ANO6: variants seen among roughly 807,000 people sequenced by gnomAD.
ANO6 encodes anoctamin 6.
In ANO6, 106 loss-of-function variants were observed where a neutral mutation model predicts 117.5. The ratio of observed to expected loss-of-function variants is 0.90; its 90% confidence interval spans 0.77 to 1.06. The LOEUF is 1.06. Ranked by LOEUF, ANO6 falls within the 50% of genes least tolerant of loss-of-function variation. ANO6 has a pLI of 0.00. For missense variants in ANO6, 955 were observed against 1,121.1 expected, an observed-to-expected ratio of 0.85 and a Z score of 2.12; for synonymous variants, 367 against 385.1, an observed-to-expected ratio of 0.95 and a Z score of 0.55.
chr12:45,310,533 G>C (rs1464836487), intron 2 of ANO6, among the ~76,000 whole-genome samples: 1 of 152,056 alleles, frequency 6.6e-6, no homozygotes, highest in Non-Finnish European at 1.5e-5. Context: ...CAGTTTAACT[G>C]TATGAGATGA....
chr12:45,370,589 T>C (rs1941799143), intron 9 of ANO6, among the ~76,000 whole-genome samples: 2 of 152,226 alleles, frequency 1.3e-5, no homozygotes, highest in Non-Finnish European at 2.9e-5. Context: ...GAAGTGGCAT[T>C]GGACAGAATC....
chr12:45,427,499 T>C (rs1410039074), intron 19 of ANO6, among the ~76,000 whole-genome samples: 1 of 152,230 alleles, frequency 6.6e-6, no homozygotes, highest in African/African-American at 2.4e-5. Context: ...TTAAAGTGTT[T>C]GCTCACTTAG....
chr12:45,341,381 C>T (rs1389223427), intron 3 of ANO6, among the ~76,000 whole-genome samples: 1 of 152,096 alleles, frequency 6.6e-6, no homozygotes, highest in East Asian at 1.9e-4. Context: ...CCTAAATATC[C>T]AGCCATTTGA....
intron 15 of ANO6, among the ~76,000 whole-genome samples, chr12:45,408,395 C>G (rs1942998337): frequency 6.6e-6 from 1 of 152,140 alleles, no homozygotes; most frequent in South Asian, 2.1e-4. Flanking sequence ...ACTGCCAACT[C>G]AGATTTCTTT....
chr12:45,266,448 A>G (rs909038545), intron 1 of ANO6, among the ~76,000 whole-genome samples: 5 of 152,166 alleles, frequency 3.3e-5, no homozygotes, highest in African/African-American at 1.2e-4. Flanking sequence ...ATGGCATATC[A>G]TTTGTTTTTC....
At chr12:45,317,589 C>T (rs1266447407) in intron 2 of ANO6, among the ~76,000 whole-genome samples, 1 of 152,030 alleles carries the variant, frequency 6.6e-6, no homozygotes, top group East Asian at 1.9e-4. Flanking sequence ...CATACGTGTG[C>T]ATGTGTCTTT....
chr12:45,399,479 C>G (rs1200394105), intron 12 of ANO6, among the ~76,000 whole-genome samples: 2 of 152,074 alleles, frequency 1.3e-5, no homozygotes, highest in Non-Finnish European at 2.9e-5. Flanking sequence ...CAGGCGTGAG[C>G]CACCGCGCCT....
chr12:45,429,181 A>G lies in ANO6; in HGVS notation c.2603A>G (p.Gln868Arg), dbSNP rs752752753. The G allele has an allele frequency of 4.3e-6, 7 of 1,613,830 alleles. No individual in the cohort carries two copies. In the South Asian group the frequency reaches 6.6e-5, roughly 15 times the overall value. The change falls in exon 20 of 20, where the codon CAG (glutamine) becomes CGG (arginine). Residue 868 changes from glutamine (Q) to arginine (R), a missense_variant. Coordinates refer to ENST00000320560, the MANE Select transcript of ANO6 (RefSeq NM_001025356.3). ...DVSKRTKSKIQREKYLTQKLL... is the reference protein window; with the variant it reads ...DVSKRTKSKIRREKYLTQKLL... ...TCAAAACGCACAAAGAGCAAGATCC[A>G]GAGAGAAAAATACCTAACCCAAAAG...
chr12:45,323,933 GTAT>G (rs1940371162), intron 2 of ANO6, among the ~76,000 whole-genome samples: 1 of 106,528 alleles, frequency 9.4e-6, no homozygotes, highest in Non-Finnish European at 2.0e-5. Flanking sequence ...TGTTGTTGTT[GTAT>G]TTTTTTTTTT....
chr12:45,301,647 C>A (rs1164440306), intron 1 of ANO6, among the ~76,000 whole-genome samples: 3 of 151,172 alleles, frequency 2.0e-5, no homozygotes, highest in Admixed American at 2.0e-4. Flanking sequence ...AAGAAGATTG[C>A]TACCCACAAA....
intron 17 of ANO6, among the ~76,000 whole-genome samples, chr12:45,417,576 C>A (rs1369880820): frequency 6.6e-6 from 1 of 152,140 alleles, no homozygotes; most frequent in East Asian, 1.9e-4. Flanking sequence ...TGATTATGGG[C>A]CATCTGAACA....
At chr12:45,394,033 TAA>T (rs929864373) in intron 12 of ANO6, among the ~76,000 whole-genome samples, 1 of 152,174 alleles carries the variant, frequency 6.6e-6, no homozygotes, top group Non-Finnish European at 1.5e-5. Context: ...ATGCCCCAAT[TAA>T]AAGACACAGA....
chr12:45,388,911 C>T (rs1350402312), intron 11 of ANO6, among the ~76,000 whole-genome samples: 1 of 152,072 alleles, frequency 6.6e-6, no homozygotes, highest in East Asian at 1.9e-4. Context: ...ACCACTACTC[C>T]AAAGATAAAA....
intron 17 of ANO6, 86 bp downstream of exon 17, chr12:45,416,990 A>G: frequency 7.4e-7 from 1 of 1,348,534 alleles, no homozygotes; most frequent in South Asian, 1.2e-5. Context: ...AGTGTTTTTT[A>G]AAATGAGAGG....
chr12:45,242,267 C>G (rs1302325244), intron 1 of ANO6, among the ~76,000 whole-genome samples: 1 of 152,230 alleles, frequency 6.6e-6, no homozygotes, highest in African/African-American at 2.4e-5. Context: ...TTTACCTACT[C>G]AAGCCTCAGC....
intron 2 of ANO6, among the ~76,000 whole-genome samples, chr12:45,315,673 C>G (rs1940001039): frequency 6.6e-6 from 1 of 152,056 alleles, no homozygotes; most frequent in Non-Finnish European, 1.5e-5. Flanking sequence ...AATCTTTTCT[C>G]TCAGCCCTGC....
intron 2 of ANO6, among the ~76,000 whole-genome samples, chr12:45,303,833 A>T (rs1939578033): frequency 6.6e-6 from 1 of 152,234 alleles, no homozygotes; most frequent in African/African-American, 2.4e-5. Context: ...CCAAGCTGGA[A>T]GGAGATTCTT....
chr12:45,364,822 C>A (rs1442721388), intron 8 of ANO6, among the ~76,000 whole-genome samples: 1 of 152,084 alleles, frequency 6.6e-6, no homozygotes. Flanking sequence ...TGTGTTAGGA[C>A]CATAGTTTTC....
intron 1 of ANO6, among the ~76,000 whole-genome samples, chr12:45,218,665 C>G (rs935473127): frequency 6.6e-6 from 1 of 152,022 alleles, no homozygotes; most frequent in African/African-American, 2.4e-5. Flanking sequence ...AAAGAATAAG[C>G]CTTTTTAAAG....
Sources: allele counts gnomAD v4.1 joint callset (sites outside exome capture counted in the v4.1 genomes callset), GRCh38; gene constraint gnomAD v4.1.1; transcripts MANE v1.5; gene names NCBI Gene and HGNC (gene_info 2026-07-23, HGNC 2026-07-21).